Variants in SUMF1 observed in about 807,000 individuals in gnomAD.
SUMF1 encodes the protein formylglycine-generating enzyme.
SUMF1 carries 48 observed loss-of-function variants against 47.6 expected under a neutral mutation model. That is an observed-to-expected ratio of 1.01 (90% confidence interval 0.80 to 1.28). The LOEUF is 1.28. Ranked by LOEUF, SUMF1 falls within the 50% of genes most tolerant of loss-of-function variation. The pLI is 0.00. For synonymous variants in SUMF1, 230 were observed against 192.1 expected (o/e 1.20, Z -1.63); for missense variants, 571 against 485.4 (o/e 1.18, Z -1.66).
At chr3:4,045,256 C>T (rs1694983570) in intron 9 of SUMF1, among the ~76,000 whole-genome samples, 1 of 152,054 alleles carries the variant, frequency 6.6e-6, no homozygotes, top group Non-Finnish European at 1.5e-5. Flanking sequence ...CTGCCTGTGT[C>T]TTCAGATCAT....
At chr3:4,051,785 T>C (rs968839301) in intron 9 of SUMF1, among the ~76,000 whole-genome samples, 3 of 152,160 alleles carry the variant, frequency 2.0e-5, no homozygotes, top group African/African-American at 4.8e-5. Context: ...ATCATAAGAA[T>C]GTAGACTGGT....
chr3:4,290,239 G>C (rs1156426001), intron 8 of SUMF1, among the ~76,000 whole-genome samples: 1 of 152,156 alleles, frequency 6.6e-6, no homozygotes, highest in Non-Finnish European at 1.5e-5. Flanking sequence ...AACTGCCTAT[G>C]TACTCGTTAT....
chr3:4,464,669 A>T (rs960992675), intron 1 of SUMF1, among the ~76,000 whole-genome samples: 9 of 152,220 alleles, frequency 5.9e-5, no homozygotes, highest in African/African-American at 1.7e-4. Context: ...ATTTAGAATA[A>T]ATGGTAAAGT....
intron 9 of SUMF1, among the ~76,000 whole-genome samples, chr3:4,039,900 A>G (rs1574839830): frequency 2.0e-5 from 3 of 152,086 alleles, no homozygotes; most frequent in African/African-American, 7.2e-5. Context: ...GCATATACCT[A>G]TAATTTCAGC....
At position 4,071,414 on chromosome 3, in the gene SUMF1, G is replaced by GT. The variant is rs574453301; in HGVS notation, c.1015-2670dup. Among the ~76,000 whole-genome samples the GT allele has an allele frequency of 2.2e-4, 33 of 152,284 alleles. 1 individual carries two copies. The South Asian group carries it at 6.6e-3, about 31-fold the overall frequency. ...TAGCCAAGAGAAGCCATGAGAGACT[G>GT]TAACAGGAGGAACAGTACACTCCTG... On this transcript the variant is annotated intron_variant and NMD_transcript_variant, in intron 8 of 12. Coordinates refer to the SUMF1 transcript ENST00000448413.
chr3:4,122,353 A>G (rs1156267073), intron 8 of SUMF1, among the ~76,000 whole-genome samples: 3 of 152,212 alleles, frequency 2.0e-5, no homozygotes, highest in Non-Finnish European at 2.9e-5. Context: ...AGGTAAATCC[A>G]TACAAACACA....
At chr3:4,420,451 A>T (rs1330867874) in intron 3 of SUMF1, among the ~76,000 whole-genome samples, 2 of 145,856 alleles carry the variant, frequency 1.4e-5, no homozygotes, top group East Asian at 4.1e-4. Context: ...GCTGGAGTGC[A>T]GGGGTTGCAA....
chr3:4,112,943 A>T (rs1693342997), intron 8 of SUMF1, among the ~76,000 whole-genome samples: 2 of 152,132 alleles, frequency 1.3e-5, no homozygotes, highest in South Asian at 4.2e-4. Flanking sequence ...AGTCTGCATA[A>T]ATAGTTACAA....
downstream of SUMF1, among the ~76,000 whole-genome samples, chr3:4,359,050 C>T (rs1440436947): frequency 2.0e-5 from 3 of 152,192 alleles, no homozygotes; most frequent in African/African-American, 7.2e-5. Flanking sequence ...CAATTTTCCC[C>T]GTATGCCTCT....
At chr3:4,303,888 C>T in intron 8 of SUMF1, 1 of 1,259,520 alleles carries the variant, frequency 7.9e-7, no homozygotes, top group South Asian at 1.4e-5. Flanking sequence ...GCCGTGGGGC[C>T]TATTAATGGA....
intron 8 of SUMF1, among the ~76,000 whole-genome samples, chr3:4,178,749 T>C (rs1470660534): frequency 6.6e-6 from 1 of 152,158 alleles, no homozygotes; most frequent in Non-Finnish European, 1.5e-5. Flanking sequence ...GGAAGCCAAA[T>C]TGTCTCTGTT....
intron 7 of SUMF1, among the ~76,000 whole-genome samples, chr3:4,394,401 G>A (rs1048409255): frequency 5.3e-5 from 8 of 152,096 alleles, no homozygotes; most frequent in African/African-American, 1.9e-4. Flanking sequence ...CAAGTGATCT[G>A]CCCATCTCGC....
intron 8 of SUMF1, among the ~76,000 whole-genome samples, chr3:4,176,579 A>C (rs1409501726): frequency 1.3e-5 from 2 of 152,206 alleles, no homozygotes; most frequent in Non-Finnish European, 2.9e-5. Flanking sequence ...AGCTACTGAA[A>C]AAACAGGCCA....
At chr3:4,245,914 T>A (rs897638849) in intron 8 of SUMF1, among the ~76,000 whole-genome samples, 1 of 152,154 alleles carries the variant, frequency 6.6e-6, no homozygotes, top group Non-Finnish European at 1.5e-5. Flanking sequence ...CGAGCTTCCC[T>A]GCCACTTTGT....
In SUMF1 at chr3:4,104,779, G is replaced by C. The variant is rs149297234; in HGVS notation, c.1015-36034C>G. Reference sequence around the variant, plus strand: ...TTAACCTTTCCAGGCCTAAAAATTTGCCTACCATCAGCCTCTTTCACCCTT... The same window carrying C: ...TTAACCTTTCCAGGCCTAAAAATTTCCCTACCATCAGCCTCTTTCACCCTT... On this transcript the variant is annotated intron_variant and NMD_transcript_variant, in intron 8 of 12. Coordinates refer to the SUMF1 transcript ENST00000448413. Among the ~76,000 whole-genome samples, 376 of 151,416 alleles carry C rather than the reference G, an allele frequency of 2.5e-3. 6 individuals are homozygous for C. Among genetic ancestry groups the C allele is most frequent in the African/African-American group, 8.6e-3 (355 of 41,148 alleles).
At chr3:4,156,019 C>A (rs1489881539) in intron 8 of SUMF1, among the ~76,000 whole-genome samples, 1 of 151,256 alleles carries the variant, frequency 6.6e-6, no homozygotes, top group Non-Finnish European at 1.5e-5. Flanking sequence ...TGTTTTTCAT[C>A]TGAAAGTAAG....
intron 6 of SUMF1, among the ~76,000 whole-genome samples, chr3:4,416,267 C>T (rs1376476348): frequency 6.6e-6 from 1 of 151,440 alleles, no homozygotes; most frequent in Admixed American, 6.6e-5. Context: ...TCATCAAAGA[C>T]GTAGGTTAAT....
chr3:4,174,746 G>A (rs549677092), intron 8 of SUMF1, among the ~76,000 whole-genome samples: 14 of 152,284 alleles, frequency 9.2e-5, no homozygotes, highest in Admixed American at 7.8e-4. Flanking sequence ...CCTCACCCAG[G>A]AAGCACAAGG....
intron 8 of SUMF1, among the ~76,000 whole-genome samples, chr3:4,282,263 G>T (rs1472420969): frequency 6.6e-6 from 1 of 152,074 alleles, no homozygotes; most frequent in Non-Finnish European, 1.5e-5. Flanking sequence ...ATCACATTCA[G>T]ATGAATACAA....
Sources: gnomAD v4.1 joint callset for allele counts (sites outside exome capture counted in the v4.1 genomes callset) on GRCh38, gnomAD v4.1.1 for gene constraint, MANE v1.5 for transcripts, NCBI Gene and HGNC (gene_info 2026-07-23, HGNC 2026-07-21) for gene names.